Variants in EXOC8 observed in about 807,000 individuals in gnomAD.
EXOC8 encodes the protein exocyst complex component 8, also known as exocyst complex 84 kDa subunit.
Under a neutral mutation model 50.8 loss-of-function variants are expected in EXOC8, and 19 were observed. The ratio of observed to expected loss-of-function variants is 0.37; its 90% CI spans 0.26 to 0.55. The LOEUF (loss-of-function observed/expected upper bound fraction) is 0.55, where lower values mean the gene tolerates loss of function less well. Ranked by LOEUF, EXOC8 falls within the 20% of genes least tolerant of loss-of-function variation. The probability of loss-of-function intolerance (pLI) is 0.80; values close to 1 mark genes in which losing one functional copy is unlikely to be tolerated. For synonymous variants in EXOC8, 384 were observed against 367.9 expected, an observed-to-expected ratio of 1.04 and a Z score of -0.50; for missense variants, 781 against 915.8, an observed-to-expected ratio of 0.85 and a Z score of 1.90.
rs1049230598 is a variant in EXOC8, at chr1:231,334,316, T to C, written c.*1252A>G. 7.2e-5 allele frequency: 11 copies of C among 152,218 alleles called. No homozygotes were observed. The highest frequency in any genetic ancestry group is 2.7e-4 in the African/African-American group (11 of 41,468). The allele number at this position is 152,218 out of a possible 1,614,324, so 9.4% of individuals were successfully genotyped here. A position where few individuals can be genotyped will look rare whatever the true frequency, so the allele number is the denominator to read the frequency against. On this transcript the variant is annotated 3_prime_UTR_variant, in exon 1 of 1. Transcript: ENST00000366645. The stretch of plus-strand genomic sequence containing the variant: ...CTCAGAGTGGTCATAGTGAGAACAC[T>C]GAGATTTGCATATGTTTTTCTACTT...
Position 231,334,861 on chromosome 1 carries a change from A to G in EXOC8, c.*707T>C, listed in dbSNP as rs1467059035. On this transcript the variant is annotated 3_prime_UTR_variant, in exon 1 of 1. Coordinates refer to ENST00000366645, the MANE Select transcript of EXOC8 (RefSeq NM_175876.5). ...CCCAACTCTTTTCCTTTTCCCAAAT[A>G]GTCCAACGTTTTGAGGAGAAATATA... The G allele has an allele frequency of 6.6e-6, 1 of 152,216 alleles. No individual in the cohort carries two copies. Among genetic ancestry groups the G allele is most frequent in the African/African-American group, 2.4e-5 (1 of 41,450 alleles). The allele number at this position is 152,216 out of a possible 1,614,324, so 9.4% of individuals were successfully genotyped here. A position where few individuals can be genotyped will look rare whatever the true frequency, so the allele number is the denominator to read the frequency against.
Position 231,336,869 on chromosome 1 carries a change from C to G in EXOC8, c.877G>C (p.Glu293Gln). The part of the protein sequence containing the change: ...ALSEKRRREQ[E>Q]EAAAPRGPPQ... ...GGCCCTCGAGGGGCCGCTGCCTCCT[C>G]CTGCTCCCTTCGCCTTTTCTCACTG... The change falls in exon 1 of 1, where the codon GAG becomes CAG. Residue 293 changes from glutamate to glutamine, a missense_variant. Glu to Gln is a conservative substitution (Grantham distance 29). Coordinates refer to ENST00000366645, the MANE Select transcript of EXOC8 (RefSeq NM_175876.5). This position sits in a 1 kb window ranked among gnomAD's most constrained non-coding sequence, Gnocchi z 5.4. 1 of 1,614,210 alleles carries G rather than the reference C, an allele frequency of 6.2e-7. No homozygotes were observed. Among genetic ancestry groups the G allele is most frequent in the Non-Finnish European group, 8.5e-7 (1 of 1,180,042 alleles).
At position 231,335,614 on chromosome 1, in the gene EXOC8, G is replaced by C. The variant is rs1275687185; in HGVS notation, c.2132C>G (p.Ser711Cys). ...AKQLQDLRNA[S>C]RLIRVNPEST... ...TTCAGGATTCACACGAATAAGTCTA[G>C]ATGCATTCCTCAGATCTTGGAGTTG... Residue 711 changes from serine (S) to cysteine (C), a missense_variant, in exon 1 of 1, where the codon TCT becomes TGT. Transcript: ENST00000366645. 1 of 1,613,774 alleles carries C rather than the reference G, an allele frequency of 6.2e-7. No individual in the cohort carries two copies. Among genetic ancestry groups the C allele is most frequent in the South Asian group, 1.1e-5 (1 of 91,042 alleles).
Position 231,337,753 on chromosome 1 carries a change from C to T in EXOC8, c.-8G>A, listed in dbSNP as rs770743370. The T allele has an allele frequency of 1.6e-5, 25 of 1,587,372 alleles. No homozygotes were observed. The highest frequency in any genetic ancestry group is 2.1e-5 in the Non-Finnish European group (24 of 1,167,596). On this transcript the variant is annotated 5_prime_UTR_variant, in exon 1 of 1. Coordinates refer to ENST00000366645, the MANE Select transcript of EXOC8 (RefSeq NM_175876.5). The surrounding 1 kb of genome is among the most constrained non-coding windows in gnomAD (Gnocchi z 5.9). ...CGACATCGCCATCGCCATTTCTCTCCGGGTCTCACGCACTCACTGTCACTA... is the reference window on the plus strand; with the variant it reads ...CGACATCGCCATCGCCATTTCTCTCTGGGTCTCACGCACTCACTGTCACTA...
chr1:231,336,201 G>T lies in EXOC8; in HGVS notation c.1545C>A (p.Leu515=), dbSNP rs751399432. 2.5e-6 allele frequency: 4 copies of T among 1,614,082 alleles called. No individual in the cohort carries two copies. In the East Asian group the frequency reaches 8.9e-5, roughly 36 times the overall value. ...SKQVFDSKES[L]STAAECVKVA... is the part of the protein sequence containing the mutation. ...CTTTTACACACTCAGCTGCTGTAGAGAGGCTCTCCTTACTATCAAACACCT... is the reference window on the plus strand; with the variant it reads ...CTTTTACACACTCAGCTGCTGTAGATAGGCTCTCCTTACTATCAAACACCT... The change falls in exon 1 of 1, where the codon CTC becomes CTA. Residue 515 remains leucine (L), a synonymous_variant. Transcript: ENST00000366645. This position sits in a 1 kb window ranked among gnomAD's most constrained non-coding sequence, Gnocchi z 5.4.
In EXOC8 at chr1:231,337,200, G is replaced by C; in HGVS notation, c.546C>G (p.Tyr182Ter). The C allele has an allele frequency of 1.2e-6, 2 of 1,614,030 alleles. No individual in the cohort carries two copies. Among genetic ancestry groups the C allele is most frequent in the Non-Finnish European group, 8.5e-7 (1 of 1,180,026 alleles). Residue 182 changes from tyrosine to a stop codon, truncating the protein, a stop_gained, in exon 1 of 1, where the codon TAC (tyrosine) becomes TAG (stop). Transcript: ENST00000366645. LOFTEE classifies it high-confidence loss of function. The surrounding 1 kb of genome is among the most constrained non-coding windows in gnomAD (Gnocchi z 5.9). ...CCACTAGGTCCCCATTGTACACCAA[G>C]TACTGTCCCGGCGTCTCCAGCAGAT... The part of the protein sequence containing the change: ...CRHLLETPGQ[Y>*]LVYNGDLVEY...
In EXOC8 at chr1:231,336,120, G is replaced by C; in HGVS notation, c.1626C>G (p.Ile542Met). The C allele has an allele frequency of 6.2e-7, 1 of 1,614,206 alleles. No homozygotes were observed. The highest frequency in any genetic ancestry group is 8.5e-7 in the Non-Finnish European group (1 of 1,180,042). ...TGTCTTTCACCAGAAGGGCATGGAT[G>C]ATGAAGGTGAGATCCAGTCCGATAT... ...LGDIGLDLTF[I>M]IHALLVKDIQ... Residue 542 changes from isoleucine to methionine, a missense_variant, in exon 1 of 1, where the codon ATC becomes ATG. By Grantham distance (10) the Ile-to-Met change is conservative. Coordinates refer to ENST00000366645, the MANE Select transcript of EXOC8 (RefSeq NM_175876.5). The surrounding 1 kb of genome is among the most constrained non-coding windows in gnomAD (Gnocchi z 5.4).
chr1:231,337,734 C>T lies in EXOC8; in HGVS notation c.12G>A (p.Ala4=), dbSNP rs1166348848. 1.9e-6 allele frequency: 3 copies of T among 1,595,378 alleles called. No individual in the cohort carries two copies. The highest frequency in any genetic ancestry group is 2.2e-5 in the East Asian group (1 of 44,726). Residue 4 remains alanine, a synonymous_variant, in exon 1 of 1, where the codon GCG becomes GCA. Transcript: ENST00000366645. The surrounding 1 kb of genome is among the most constrained non-coding windows in gnomAD (Gnocchi z 5.9). MAM[A]MSDSGASRLR... The stretch of plus-strand genomic sequence containing the variant: ...GGCGGCTCGCCCCACTGTCCGACAT[C>T]GCCATCGCCATTTCTCTCCGGGTCT...
Position 231,336,700 on chromosome 1 carries a change from G to C in EXOC8, c.1046C>G (p.Ala349Gly), listed in dbSNP as rs1325807695. 6.2e-7 allele frequency: 1 copy of C among 1,614,188 alleles called. No homozygotes were observed. Among genetic ancestry groups the C allele is most frequent in the South Asian group, 1.1e-5 (1 of 91,082 alleles). Reference sequence around the variant, plus strand: ...AACCGCCCCTTCAAAGTCTCTCTGCGCAATGCAGACATCCAGGTCTTCAGG... The same window carrying C: ...AACCGCCCCTTCAAAGTCTCTCTGCCCAATGCAGACATCCAGGTCTTCAGG... ...ELPEDLDVCI[A>G]QRDFEGAVDL... Residue 349 changes from alanine to glycine, a missense_variant, in exon 1 of 1, where the codon GCG becomes GGG. Physicochemically the swap from Ala to Gly is moderately conservative, Grantham distance 60. Coordinates refer to ENST00000366645, the MANE Select transcript of EXOC8 (RefSeq NM_175876.5). The surrounding 1 kb of genome is among the most constrained non-coding windows in gnomAD (Gnocchi z 5.4).
At position 231,333,026 on chromosome 1, in the gene EXOC8, C is replaced by A. The variant is rs1418837859; in HGVS notation, c.*2542G>T. 1 of 144,492 alleles carries A rather than the reference C, an allele frequency of 6.9e-6. No individual in the cohort carries two copies. The highest frequency in any genetic ancestry group is 1.5e-5 in the Non-Finnish European group (1 of 66,380). 9.0% of individuals were successfully genotyped at this position (144,492 alleles called of 1,614,324 possible). ...TTAATGCCACAAGGTGTCTTTTTTC[C>A]CCAAGAGTAATTAATTCAATCAAGC... On this transcript the variant is annotated 3_prime_UTR_variant, in exon 1 of 1. Transcript: ENST00000366645.
rs201213618 is a variant in EXOC8 at position 231,335,526 on chromosome 1, G to GCT, written c.*40_*41dup. The GCT allele has an allele frequency of 2.8e-6, 4 of 1,442,982 alleles. No individual in the cohort carries two copies. In the African/African-American group the frequency reaches 4.3e-5, roughly 15 times the overall value. 89.4% of individuals were successfully genotyped at this position (1,442,982 alleles called of 1,614,324 possible). On this transcript the variant is annotated 3_prime_UTR_variant, in exon 1 of 1. Transcript: ENST00000366645. ...TAATATAAATATAAATAATATATAA[G>GCT]CTCTCTCTCTGCATATATACACATA...
In EXOC8 at chr1:231,337,200, G is replaced by A. The variant is rs778720953; in HGVS notation, c.546C>T (p.Tyr182=). ...CRHLLETPGQ[Y]LVYNGDLVEY... is the part of the protein sequence containing the mutation. ...CCACTAGGTCCCCATTGTACACCAAGTACTGTCCCGGCGTCTCCAGCAGAT... is the reference window on the plus strand; with the variant it reads ...CCACTAGGTCCCCATTGTACACCAAATACTGTCCCGGCGTCTCCAGCAGAT... The change falls in exon 1 of 1, where the codon TAC becomes TAT. Residue 182 remains tyrosine (Y), a synonymous_variant. Coordinates refer to ENST00000366645, the MANE Select transcript of EXOC8 (RefSeq NM_175876.5). This position sits in a 1 kb window ranked among gnomAD's most constrained non-coding sequence, Gnocchi z 5.9. The A allele has an allele frequency of 1.2e-6, 2 of 1,614,030 alleles. No individual in the cohort carries two copies. Among genetic ancestry groups the A allele is most frequent in the Admixed American group, 3.3e-5 (2 of 60,030 alleles).
Position 231,336,267 on chromosome 1 carries a change from T to C in EXOC8, c.1479A>G (p.Ala493=). 1 of 1,614,124 alleles carries C rather than the reference T, an allele frequency of 6.2e-7. No homozygotes were observed. The highest frequency in any genetic ancestry group is 1.1e-5 in the South Asian group (1 of 91,086). The part of the protein sequence containing the change: ...SGCYSAFVVW[A]RSAMGMFVDA... ...CCACGAACATGCCCATGGCTGATCT[T>C]GCCCAGACCACAAAGGCAGAGTAGC... Residue 493 remains alanine (A), a synonymous_variant, in exon 1 of 1, where the codon GCA becomes GCG. Coordinates refer to ENST00000366645, the MANE Select transcript of EXOC8 (RefSeq NM_175876.5). This position sits in a 1 kb window ranked among gnomAD's most constrained non-coding sequence, Gnocchi z 5.4.
chr1:231,336,167 C>T lies in EXOC8; in HGVS notation c.1579G>A (p.Glu527Lys). The change falls in exon 1 of 1, where the codon GAG becomes AAG. Residue 527 changes from glutamate (E) to lysine (K), a missense_variant. Glu to Lys is a moderately conservative substitution (Grantham distance 56). Transcript: ENST00000366645. The surrounding 1 kb of genome is among the most constrained non-coding windows in gnomAD (Gnocchi z 5.4). ...ATATCACCCAGTTGCTGGCAATGCTCCTTAGCCACTTTTACACACTCAGCT... is the reference window on the plus strand; with the variant it reads ...ATATCACCCAGTTGCTGGCAATGCTTCTTAGCCACTTTTACACACTCAGCT... ...TAAECVKVAK[E>K]HCQQLGDIGL... is the part of the protein sequence containing the mutation. 1 of 1,614,150 alleles carries T rather than the reference C, an allele frequency of 6.2e-7. No individual in the cohort carries two copies. The highest frequency in any genetic ancestry group is 2.2e-5 in the East Asian group (1 of 44,892).
At position 231,336,873 on chromosome 1, in the gene EXOC8, C is replaced by A. The variant is rs557870432; in HGVS notation, c.873G>T (p.Glu291Asp). 193 of 1,614,190 alleles carry A rather than the reference C, an allele frequency of 1.2e-4. 5 individuals are homozygous for A. In the South Asian group the frequency reaches 2.1e-3, roughly 17 times the overall value. The change falls in exon 1 of 1, where the codon GAG becomes GAT. Residue 291 changes from glutamate to aspartate, a missense_variant. Around this residue, in one of 3 missense-constraint regions of EXOC8, gnomAD observed 700 missense variants for 804.1 expected, o/e 0.87. Transcript: ENST00000366645. The surrounding 1 kb of genome is among the most constrained non-coding windows in gnomAD (Gnocchi z 5.4). ...CTCGAGGGGCCGCTGCCTCCTCCTG[C>A]TCCCTTCGCCTTTTCTCACTGAGGG... ...KRALSEKRRR[E>D]QEEAAAPRGP...
chr1:231,335,582 T>C lies in EXOC8; in HGVS notation c.2164A>G (p.Thr722Ala), dbSNP rs1334774750. The C allele has an allele frequency of 6.2e-7, 1 of 1,609,590 alleles. No individual in the cohort carries two copies. Among genetic ancestry groups the C allele is most frequent in the Non-Finnish European group, 8.5e-7 (1 of 1,177,866 alleles). ...AGACCCAAGCATTAGACCACTGATG[T>C]TGTACTTTCAGGATTCACACGAATA... The part of the protein sequence containing the change: ...RLIRVNPEST[T>A]SVV Residue 722 changes from threonine to alanine, a missense_variant, in exon 1 of 1, where the codon ACA (threonine) becomes GCA (alanine). Physicochemically the swap from Thr to Ala is moderately conservative, Grantham distance 58. Transcript: ENST00000366645.
Position 231,336,111 on chromosome 1 carries a change from G to C in EXOC8, c.1635C>G (p.Ala545=), listed in dbSNP as rs1686667481. Residue 545 remains alanine (A), a synonymous_variant, in exon 1 of 1, where the codon GCC becomes GCG. Coordinates refer to ENST00000366645, the MANE Select transcript of EXOC8 (RefSeq NM_175876.5). This position sits in a 1 kb window ranked among gnomAD's most constrained non-coding sequence, Gnocchi z 5.4. ...IGLDLTFIIH[A]LLVKDIQGAL... ...CCCCTTGGATGTCTTTCACCAGAAG[G>C]GCATGGATGATGAAGGTGAGATCCA... 1 of 1,614,042 alleles carries C rather than the reference G, an allele frequency of 6.2e-7. No individual in the cohort carries two copies. The highest frequency in any genetic ancestry group is 1.7e-5 in the Admixed American group (1 of 59,998).
At position 231,336,411 on chromosome 1, in the gene EXOC8, C is replaced by T. The variant is rs1435152356; in HGVS notation, c.1335G>A (p.Gln445=). The change falls in exon 1 of 1, where the codon CAG becomes CAA. Residue 445 remains glutamine, a synonymous_variant. Coordinates refer to ENST00000366645, the MANE Select transcript of EXOC8 (RefSeq NM_175876.5). This position sits in a 1 kb window ranked among gnomAD's most constrained non-coding sequence, Gnocchi z 5.4. The part of the protein sequence containing the change: ...RAAAVHTAIR[Q]LRIEGATLLY... ...GTAAAGTGGCACCTTCGATGCGAAG[C>T]TGACGAATTGCAGTATGAACAGCGG... The T allele has an allele frequency of 3.1e-6, 5 of 1,614,080 alleles. No homozygotes were observed. In the South Asian group the frequency reaches 5.5e-5, roughly 18 times the overall value.
At position 231,337,043 on chromosome 1, in the gene EXOC8, C is replaced by T. The variant is rs1316736310; in HGVS notation, c.703G>A (p.Gly235Ser). 2 of 1,614,132 alleles carry T rather than the reference C, an allele frequency of 1.2e-6. No homozygotes were observed. Among genetic ancestry groups the T allele is most frequent in the Admixed American group, 3.3e-5 (2 of 60,028 alleles). ...YRYNALYSLDGLAVVNVKDNP... is the reference protein window; with the variant it reads ...YRYNALYSLDSLAVVNVKDNP... ...TCCTTGACATTGACTACGGCCAAAC[C>T]ATCTAGGGAATAGAGAGCGTTGTAG... Residue 235 changes from glycine (G) to serine (S), a missense_variant, in exon 1 of 1, where the codon GGT becomes AGT. Transcript: ENST00000366645. The surrounding 1 kb of genome is among the most constrained non-coding windows in gnomAD (Gnocchi z 5.9).
Sources: allele counts gnomAD v4.1 joint callset, GRCh38; gene constraint gnomAD v4.1.1; regional missense constraint gnomAD v4.1.1; non-coding constraint Gnocchi (gnomAD v3.1); transcripts MANE v1.5; gene names NCBI Gene and HGNC (gene_info 2026-07-23, HGNC 2026-07-21).